The following PRKG2 variants were observed in gnomAD, a reference collection of about 807,000 sequenced individuals.
The protein encoded by PRKG2 is cGMP-dependent protein kinase 2.
A neutral mutation model predicts 97.2 loss-of-function variants in PRKG2; 33 were observed. That is an observed-to-expected ratio of 0.34 (90% confidence interval 0.26 to 0.45). The LOEUF (loss-of-function observed/expected upper bound fraction) is 0.45, where lower values mean the gene tolerates loss of function less well. Among genes scored for constraint, PRKG2 ranks in the 20% least tolerant of loss-of-function variants. PRKG2 has a pLI of 1.00. For missense variants in PRKG2, 638 were observed against 900.0 expected (o/e 0.71, Z 3.73); for synonymous variants, 330 against 321.8 (o/e 1.03, Z -0.27).
chr4:81,155,095 G>A (rs1384042679), intron 6 of PRKG2, among the ~76,000 whole-genome samples: 2 of 147,956 alleles, frequency 1.4e-5, no homozygotes, highest in East Asian at 2.0e-4. Flanking sequence ...GGAGAATGGC[G>A]TGAACCCGGG....
intron 14 of PRKG2, among the ~76,000 whole-genome samples, chr4:81,115,940 A>C (rs775563737): frequency 2.6e-5 from 4 of 152,326 alleles, no homozygotes; most frequent in Non-Finnish European, 4.4e-5. Flanking sequence ...ATGCCTATGT[A>C]TCAACTATGT....
chr4:81,120,506 C>T (rs1275884690), intron 14 of PRKG2, among the ~76,000 whole-genome samples: 2 of 152,014 alleles, frequency 1.3e-5, no homozygotes, highest in Non-Finnish European at 2.9e-5. Flanking sequence ...CCTCATAGAT[C>T]TTACATATAT....
intron 17 of PRKG2, among the ~76,000 whole-genome samples, chr4:81,093,434 C>G (rs1011885238): frequency 6.6e-6 from 1 of 151,196 alleles, no homozygotes; most frequent in South Asian, 2.1e-4. Context: ...CCTACTTTAT[C>G]TTACCCCCTT....
chr4:81,087,421 C>T lies in PRKG2; in HGVS notation c.*2287G>A, dbSNP rs891554639. On this transcript the variant is annotated 3_prime_UTR_variant, in exon 19 of 19. Transcript: ENST00000264399. ...TTCATGATTTAAAAGAAAAAAAAGA[C>T]AGATACTGGATTTGATAAGTACAAT... is the stretch of plus-strand genomic sequence containing the variant. The T allele has an allele frequency of 6.6e-6, 1 of 151,994 alleles. No individual in the cohort carries two copies. Among genetic ancestry groups the T allele is most frequent in the Non-Finnish European group, 1.5e-5 (1 of 67,946 alleles). 9.4% of individuals were successfully genotyped at this position (151,994 alleles called of 1,614,324 possible).
At chr4:81,157,880 C>T (rs1041421558) in intron 6 of PRKG2, among the ~76,000 whole-genome samples, 31 of 146,550 alleles carry the variant, frequency 2.1e-4, no homozygotes, top group Non-Finnish European at 3.2e-4. Context: ...AATTCAACAA[C>T]GCTTCACGCT....
Position 81,140,610 on chromosome 4 carries a change from T to G in PRKG2, c.1467A>C (p.Ile489=), listed in dbSNP as rs772347853. Residue 489 remains isoleucine (I), a synonymous_variant, in exon 12 of 19, where the codon ATA becomes ATC. Coordinates refer to ENST00000264399, the MANE Select transcript of PRKG2 (RefSeq NM_006259.3). ...CATGCTCCTGCTGCTTGGTGTCAACTATGTGCTTCTTCCTTATACACTTCA... is the reference window on the plus strand; with the variant it reads ...CATGCTCCTGCTGCTTGGTGTCAACGATGTGCTTCTTCCTTATACACTTCA... ...FAMKCIRKKH[I]VDTKQQEHVY... is the part of the protein sequence containing the mutation. The G allele has an allele frequency of 2.5e-6, 4 of 1,612,952 alleles. No individual in the cohort carries two copies. In the Admixed American group the frequency reaches 6.7e-5, roughly 27 times the overall value.
intron 4 of PRKG2, among the ~76,000 whole-genome samples, chr4:81,170,606 A>C (rs1182120474): frequency 6.6e-6 from 1 of 152,114 alleles, no homozygotes. Flanking sequence ...CATTTTTATC[A>C]AATACCTCAG....
intron 1 of PRKG2, among the ~76,000 whole-genome samples, chr4:81,214,150 C>T (rs1438080027): frequency 4.1e-4 from 45 of 109,538 alleles, no homozygotes; most frequent in Non-Finnish European, 6.0e-4. Flanking sequence ...TTGCTCTCTT[C>T]CTTAAAAAAA....
At chr4:81,124,658 A>C (rs1745382540) in intron 14 of PRKG2, among the ~76,000 whole-genome samples, 1 of 152,160 alleles carries the variant, frequency 6.6e-6, no homozygotes, top group African/African-American at 2.4e-5. Flanking sequence ...CACATGAGGG[A>C]GTCACCTTGG....
chr4:81,141,016 T>TATC (rs994735948), intron 11 of PRKG2, among the ~76,000 whole-genome samples: 11 of 152,034 alleles, frequency 7.2e-5, no homozygotes, highest in African/African-American at 2.7e-4. Context: ...GATTTATTAT[T>TATC]ATTATTATTA....
chr4:81,124,566 T>C (rs1293431756), intron 14 of PRKG2, among the ~76,000 whole-genome samples: 1 of 152,138 alleles, frequency 6.6e-6, no homozygotes, highest in East Asian at 1.9e-4. Context: ...CCAGCTGCCA[T>C]GAGTTATTCA....
intron 11 of PRKG2, 23 bp downstream of exon 11, chr4:81,142,771 T>C: frequency 2.6e-6 from 4 of 1,524,636 alleles, no homozygotes; most frequent in East Asian, 4.6e-5. Context: ...TTCTCTCAGA[T>C]GCTTGAAACG....
chr4:81,171,854 G>A (rs1374960489), intron 3 of PRKG2, 50 bp from the exon 4 acceptor site: 1 of 1,251,214 alleles, frequency 8.0e-7, no homozygotes. Flanking sequence ...CGAAATCCGT[G>A]TAGATACTAT....
intron 2 of PRKG2, among the ~76,000 whole-genome samples, chr4:81,199,944 T>C (rs1263865645): frequency 6.6e-6 from 1 of 152,204 alleles, no homozygotes; most frequent in Non-Finnish European, 1.5e-5. Flanking sequence ...CTTTGTTTTA[T>C]CTTTCCTTTT....
intron 14 of PRKG2, among the ~76,000 whole-genome samples, chr4:81,116,687 T>G (rs962827454): frequency 6.6e-6 from 1 of 152,250 alleles, no homozygotes; most frequent in African/African-American, 2.4e-5. Context: ...ATGTTATTTT[T>G]TGATTTTGTA....
chr4:81,142,943 A>C lies in PRKG2; in HGVS notation c.1258T>G (p.Ser420Ala). 1 of 1,608,166 alleles carries C rather than the reference A, an allele frequency of 6.2e-7. No homozygotes were observed. The highest frequency in any genetic ancestry group is 8.5e-7 in the Non-Finnish European group (1 of 1,176,384). ...RDDEKRHAKR[S>A]MSNWKLSKAL... is the part of the protein sequence containing the mutation. ...TTGGACAGCTTCCAGTTAGACATGG[A>C]CCGCCTGTACAAGAGAAGTGAAACT... Residue 420 changes from serine to alanine, a missense_variant, in exon 11 of 19, where the codon TCC becomes GCC. Ser to Ala is a moderately conservative substitution (Grantham distance 99, BLOSUM62 1). Around this residue, in one of 3 missense-constraint regions of PRKG2, gnomAD observed 304 missense variants for 460.5 expected, o/e 0.66. Coordinates refer to ENST00000264399, the MANE Select transcript of PRKG2 (RefSeq NM_006259.3).
intron 17 of PRKG2, among the ~76,000 whole-genome samples, chr4:81,095,799 A>C (rs887715140): frequency 1.1e-4 from 17 of 152,192 alleles, no homozygotes; most frequent in African/African-American, 3.6e-4. Context: ...TATCAAAAAC[A>C]ATGTTAAAAT....
intron 9 of PRKG2, among the ~76,000 whole-genome samples, chr4:81,145,864 A>C (rs1747807568): frequency 6.6e-6 from 1 of 152,198 alleles, no homozygotes; most frequent in South Asian, 2.1e-4. Context: ...TAAAATTAAT[A>C]AGCCAGAGCC....
chr4:81,148,763 C>A, intron 9 of PRKG2, 121 bp downstream of exon 9: 1 of 851,846 alleles, frequency 1.2e-6, no homozygotes, highest in Non-Finnish European at 2.0e-6. Context: ...GTACTTGCAG[C>A]TGAGATCGGC....
Sources: allele counts gnomAD v4.1 joint callset (sites outside exome capture counted in the v4.1 genomes callset), GRCh38; gene constraint gnomAD v4.1.1; regional missense constraint gnomAD v4.1.1; transcripts MANE v1.5; gene names NCBI Gene and HGNC (gene_info 2026-07-23, HGNC 2026-07-21).